The following STK11IP variants were observed in gnomAD, a reference collection of about 807,000 sequenced individuals.
STK11IP encodes the protein serine/threonine kinase 11 interacting protein.
STK11IP carries 103 observed loss-of-function variants against 131.7 expected under a neutral mutation model. The ratio of observed to expected loss-of-function variants is 0.78; its 90% CI spans 0.67 to 0.92. The LOEUF (loss-of-function observed/expected upper bound fraction) is 0.92, where lower values mean the gene tolerates loss of function less well. Among genes scored for constraint, STK11IP ranks in the 40% least tolerant of loss-of-function variants. STK11IP has a pLI of 0.00. For synonymous variants in STK11IP, 557 were observed against 575.6 expected, an observed-to-expected ratio of 0.97 and a Z score of 0.46; for missense variants, 1,315 against 1,385.7, an observed-to-expected ratio of 0.95 and a Z score of 0.81.
intron 2 of STK11IP, among the ~76,000 whole-genome samples, chr2:219,600,059 G>GTTTTTTTT (rs57060581): frequency 4.9e-4 from 45 of 91,708 alleles, no homozygotes; most frequent in Non-Finnish European, 6.9e-4. Flanking sequence ...TTTTGTTTTT[G>GTTTTTTTT]TTTTTTTTTT....
At position 219,606,715 on chromosome 2, in the gene STK11IP, C is replaced by T; in HGVS notation, c.991C>T (p.His331Tyr). The stretch of plus-strand genomic sequence containing the variant: ...CCTTCCTGTCGTCACGTGCCAGACT[C>T]ACACATCCTTGGGGCTCAGCCCCAT... ...KVLSLTDFQT[H>Y]TSLGLSPMGP... The change falls in exon 12 of 25, where the codon CAC (histidine) becomes TAC (tyrosine). Residue 331 changes from histidine to tyrosine, a missense_variant. By Grantham distance (83) the His-to-Tyr change is moderately conservative (BLOSUM62 2). Transcript: ENST00000456909. 1.2e-6 allele frequency: 2 copies of T among 1,608,388 alleles called. No individual in the cohort carries two copies. The highest frequency in any genetic ancestry group is 1.7e-6 in the Non-Finnish European group (2 of 1,176,464).
chr2:219,605,477 A>G, intron 7 of STK11IP, 131 bp from the exon 8 acceptor site: 1 of 839,776 alleles, frequency 1.2e-6, no homozygotes, highest in Non-Finnish European at 1.9e-6. Flanking sequence ...GGGGTGGATG[A>G]AATCATTTGT....
At position 219,616,232 on chromosome 2, in the gene STK11IP, C is replaced by T. The variant is rs762713999; in HGVS notation, c.*39C>T. On this transcript the variant is annotated 3_prime_UTR_variant, in exon 25 of 25. Transcript: ENST00000456909. ...ACCTTGGCCCTGACCTCAGGAGCCA[C>T]GCTGTAGACATTCCCTCTCCTGGTC... 3.3e-5 allele frequency: 52 copies of T among 1,589,008 alleles called. No individual in the cohort carries two copies. The highest frequency in any genetic ancestry group is 1.7e-4 in the Middle Eastern group (1 of 5,922).
At chr2:219,605,910 G>A (rs993003453) in intron 8 of STK11IP, 46 bp from the exon 9 acceptor site, 9 of 1,524,390 alleles carry the variant, frequency 5.9e-6, no homozygotes, top group South Asian at 4.8e-5. Flanking sequence ...ACTCACTTGC[G>A]TGTACTCATC....
At position 219,606,198 on chromosome 2, in the gene STK11IP, T is replaced by C; in HGVS notation, c.853T>C (p.Tyr285His). The change falls in exon 10 of 25, where the codon TAC (tyrosine) becomes CAC (histidine). Residue 285 changes from tyrosine (Y) to histidine (H), a missense_variant. By Grantham distance (83) the Tyr-to-His change is moderately conservative. Coordinates refer to ENST00000456909, the MANE Select transcript of STK11IP (RefSeq NM_052902.4). ...LWLLAELRKL[Y>H]LEGNPLWFHP... ...TTCTCCCCTTCCTGCCCCTCAGCTC[T>C]ACCTGGAGGGGAACCCTCTTTGGTT... 1 of 1,562,916 alleles carries C rather than the reference T, an allele frequency of 6.4e-7. No homozygotes were observed. Among genetic ancestry groups the C allele is most frequent in the Middle Eastern group, 1.7e-4 (1 of 6,002 alleles).
At chr2:219,615,854 A>G (rs1382786305) in intron 24 of STK11IP, 190 bp from the exon 25 acceptor site, 2 of 797,618 alleles carry the variant, frequency 2.5e-6, no homozygotes, top group Admixed American at 2.0e-5. Context: ...GGAGGCTTTC[A>G]GTAAACGTCG....
intron 4 of STK11IP, 93 bp downstream of exon 4, chr2:219,601,808 C>T: frequency 7.1e-7 from 1 of 1,413,958 alleles, no homozygotes; most frequent in Non-Finnish European, 9.8e-7. Context: ...GGTGAGGAGG[C>T]CAGGCCTGAG....
intron 22 of STK11IP, 65 bp from the exon 23 acceptor site, chr2:219,614,411 T>C (rs1249994986): frequency 6.4e-6 from 10 of 1,571,132 alleles, no homozygotes; most frequent in Non-Finnish European, 8.7e-6. Flanking sequence ...TTCTTCCCAC[T>C]CCCCTCTCTT....
In STK11IP at chr2:219,607,034, T is replaced by G; in HGVS notation, c.1135-19T>G. 1 of 1,613,852 alleles carries G rather than the reference T, an allele frequency of 6.2e-7. No homozygotes were observed. Among genetic ancestry groups the G allele is most frequent in the Non-Finnish European group, 8.5e-7 (1 of 1,179,860 alleles). ...GGAGGCTTGGCTTTCACAGAACTTC[T>G]TCCCTCCACCAACCTCAGAGCCGAG... is the stretch of plus-strand genomic sequence containing the variant. On this transcript the variant is annotated intron_variant, in intron 12 of 24. Transcript: ENST00000456909.
At chr2:219,614,122 G>A (rs1698497937) in intron 21 of STK11IP, 39 bp from the exon 22 acceptor site, 9 of 1,608,694 alleles carry the variant, frequency 5.6e-6, no homozygotes, top group Non-Finnish European at 7.7e-6. Context: ...CTGGAGGAGA[G>A]CAGAGCCTTC....
chr2:219,613,223 G>C lies in STK11IP; in HGVS notation c.2535G>C (p.Met845Ile). 5 of 1,589,950 alleles carry C rather than the reference G, an allele frequency of 3.1e-6. No homozygotes were observed. The highest frequency in any genetic ancestry group is 4.3e-6 in the Non-Finnish European group (5 of 1,165,856). ...RLYLLKVTGEMREPPASWLQL... is the reference protein window; with the variant it reads ...RLYLLKVTGEIREPPASWLQL... ...ACCTGTTGAAGGTGACTGGGGAGAT[G>C]CGGTGAGTGAGAGGGGAGATGCAGT... Residue 845 changes from methionine (M) to isoleucine (I), a missense_variant and splice_region_variant, in exon 20 of 25, where the codon ATG (methionine) becomes ATC (isoleucine). Met to Ile is a conservative substitution (Grantham distance 10). Coordinates refer to ENST00000456909, the MANE Select transcript of STK11IP (RefSeq NM_052902.4).
chr2:219,613,623 G>T, intron 20 of STK11IP, 129 bp from the exon 21 acceptor site: 1 of 1,008,456 alleles, frequency 9.9e-7, no homozygotes. Context: ...GGAATGAGGG[G>T]GAAGATGGGG....
rs1482062314 is a variant in STK11IP, at chr2:219,601,623, T to TTA, written c.268-17_268-16insAT. 1.6e-6 allele frequency: 2 copies of TTA among 1,229,900 alleles called. No individual in the cohort carries two copies. The highest frequency in any genetic ancestry group is 2.2e-6 in the Non-Finnish European group (2 of 928,056). The allele number at this position is 1,229,900 out of a possible 1,614,324, so 76.2% of individuals were successfully genotyped here. On this transcript the variant is annotated splice_polypyrimidine_tract_variant and intron_variant, in intron 3 of 24. Transcript: ENST00000456909. The stretch of plus-strand genomic sequence containing the variant: ...ATCTGCTGTGCCTCAGTAAATTGAG[T>TTA]TTTTTTTTTTTTTTCAGCTGGTCCA...
At chr2:219,601,495 A>G in intron 3 of STK11IP, 55 bp downstream of exon 3, 1 of 1,591,770 alleles carries the variant, frequency 6.3e-7, no homozygotes. Flanking sequence ...GAATGATGGA[A>G]GTTGGGGATA....
At position 219,604,970 on chromosome 2, in the gene STK11IP, C is replaced by A. The variant is rs377569394; in HGVS notation, c.619-638C>A. 9.2e-5 allele frequency among the ~76,000 whole-genome samples: 14 copies of A among 152,278 alleles called. No homozygotes were observed. The East Asian group carries it at 2.1e-3, about 23-fold the overall frequency. On this transcript the variant is annotated intron_variant, in intron 7 of 24. Transcript: ENST00000456909. ...TCAGCCTCCCAAGTAGCTGGGATTA[C>A]AAGTGTGTGCCACCACGCCCAGCTA...
Position 219,616,135 on chromosome 2 carries a change from A to G in STK11IP, c.3209A>G (p.Glu1070Gly), listed in dbSNP as rs772555639. The change falls in exon 25 of 25, where the codon GAG (glutamate) becomes GGG (glycine). Residue 1070 changes from glutamate to glycine, a missense_variant. Transcript: ENST00000456909. ...LLAWIREPWE[E>G]LFSIGLRTVI... ...GCCTGGATCCGGGAACCATGGGAGG[A>G]GCTGTTTTCCATCGGACTCCGGACA... The G allele has an allele frequency of 1.2e-6, 2 of 1,613,680 alleles. No homozygotes were observed. Among genetic ancestry groups the G allele is most frequent in the East Asian group, 4.5e-5 (2 of 44,856 alleles).
chr2:219,613,291 G>GTTGGGGGGAGATGGGGGAA, intron 20 of STK11IP, 66 bp downstream of exon 20: 1 of 89,350 alleles, frequency 1.1e-5, no homozygotes, highest in Non-Finnish European at 2.1e-5. Flanking sequence ...AGATGGGGGA[G>GTTGGGGGGAGATGGGGGAA]TGAGGGGGAA....
chr2:219,604,454 TC>T (rs1464677218), intron 7 of STK11IP, among the ~76,000 whole-genome samples: 1 of 152,226 alleles, frequency 6.6e-6, no homozygotes, highest in Non-Finnish European at 1.5e-5. Flanking sequence ...ATCCTTTTCT[TC>T]CTTGATCACC....
At position 219,602,097 on chromosome 2, in the gene STK11IP, G is replaced by A. The variant is rs1407869764; in HGVS notation, c.438+14G>A. The A allele has an allele frequency of 6.3e-7, 1 of 1,577,420 alleles. No individual in the cohort carries two copies. Among genetic ancestry groups the A allele is most frequent in the East Asian group, 2.3e-5 (1 of 43,714 alleles). Reference sequence around the variant, plus strand: ...CAGGCATTAGAGGTAAGGAGAGTGAGGGGTGAGCTCAGACACCTCAACTTG... The same window carrying A: ...CAGGCATTAGAGGTAAGGAGAGTGAAGGGTGAGCTCAGACACCTCAACTTG... On this transcript the variant is annotated intron_variant, in intron 5 of 24. Coordinates refer to ENST00000456909, the MANE Select transcript of STK11IP (RefSeq NM_052902.4).
Sources: gnomAD v4.1 joint callset for allele counts (sites outside exome capture counted in the v4.1 genomes callset) on GRCh38, gnomAD v4.1.1 for gene constraint, MANE v1.5 for transcripts, NCBI Gene and HGNC (gene_info 2026-07-23, HGNC 2026-07-21) for gene names.